CNTNAP5: variants seen among roughly 807,000 people sequenced by gnomAD.
CNTNAP5 encodes the protein contactin-associated protein-like 5.
A neutral mutation model predicts 150.2 loss-of-function variants in CNTNAP5; 72 were observed. The observed-to-expected ratio is 0.48, with a 90% CI of 0.40 to 0.58. The LOEUF (loss-of-function observed/expected upper bound fraction) is 0.58. CNTNAP5 is among the 20% of genes least tolerant of loss of function. CNTNAP5 has a pLI of 0.00. For missense variants in CNTNAP5, 1,636 were observed against 1,626.2 expected (o/e 1.01, Z -0.10); for synonymous variants, 672 against 619.8 (o/e 1.08, Z -1.25).
chr2:124,646,228 G>A (rs964889877), intron 12 of CNTNAP5, among the ~76,000 whole-genome samples: 1 of 152,166 alleles, frequency 6.6e-6, no homozygotes, highest in East Asian at 1.9e-4. Flanking sequence ...CCCAAGTTGT[G>A]TACAGAGCTA....
At chr2:124,714,195 G>A (rs575241874) in intron 13 of CNTNAP5, among the ~76,000 whole-genome samples, 1 of 151,066 alleles carries the variant, frequency 6.6e-6, no homozygotes, top group South Asian at 2.1e-4. Context: ...GGCCTTGTAA[G>A]CTGCTTGAGA....
intron 3 of CNTNAP5, among the ~76,000 whole-genome samples, chr2:124,409,739 G>T (rs1241566893): frequency 2.0e-5 from 3 of 150,486 alleles, no homozygotes; most frequent in Non-Finnish European, 4.4e-5. Context: ...GCTAAACATG[G>T]AAAGGAACAA....
chr2:124,705,509 CAGAG>C (rs34819347), intron 13 of CNTNAP5, among the ~76,000 whole-genome samples: 1 of 151,650 alleles, frequency 6.6e-6, no homozygotes, highest in African/African-American at 2.4e-5. Flanking sequence ...GCCTGAGTGA[CAGAG>C]AGAGACTCCA....
chr2:124,259,855 T>G (rs143015860), intron 3 of CNTNAP5, among the ~76,000 whole-genome samples: 11,701 of 152,072 alleles, frequency 0.077, 616 homozygotes, highest in Non-Finnish European at 0.12. Context: ...CACTGCTCAA[T>G]GAAATAAAAG....
chr2:124,616,936 GAAT>G (rs1482696472), intron 12 of CNTNAP5, among the ~76,000 whole-genome samples: 6 of 152,114 alleles, frequency 3.9e-5, no homozygotes, highest in African/African-American at 1.4e-4. Context: ...AAAACAATTA[GAAT>G]AATAACATTA....
chr2:124,405,370 G>A (rs1691543535), intron 3 of CNTNAP5, among the ~76,000 whole-genome samples: 1 of 152,178 alleles, frequency 6.6e-6, no homozygotes, highest in Non-Finnish European at 1.5e-5. Flanking sequence ...AGCCTAGCAA[G>A]TGCCTGGCAT....
intron 3 of CNTNAP5, among the ~76,000 whole-genome samples, chr2:124,389,956 A>G (rs1359083228): frequency 2.7e-5 from 4 of 150,756 alleles, no homozygotes; most frequent in Non-Finnish European, 5.9e-5. Context: ...ACAGGAGACC[A>G]CATCTCCAAA....
chr2:124,594,405 A>G (rs1696772832), intron 11 of CNTNAP5, among the ~76,000 whole-genome samples: 1 of 152,052 alleles, frequency 6.6e-6, no homozygotes, highest in African/African-American at 2.4e-5. Flanking sequence ...TCCTTTCCCC[A>G]TTGCTTGTTT....
chr2:124,675,129 T>C (rs1678912703), intron 13 of CNTNAP5, among the ~76,000 whole-genome samples: 1 of 152,130 alleles, frequency 6.6e-6, no homozygotes, highest in Non-Finnish European at 1.5e-5. Flanking sequence ...TAGGGCTCTG[T>C]TGTTAGTCGT....
At chr2:124,282,207 GATT>G (rs1333107658) in intron 3 of CNTNAP5, among the ~76,000 whole-genome samples, 1 of 152,142 alleles carries the variant, frequency 6.6e-6, no homozygotes, top group Non-Finnish European at 1.5e-5. Flanking sequence ...TTGAATGCCA[GATT>G]ATTAGTATAC....
At chr2:124,279,281 T>G (rs1266310651) in intron 3 of CNTNAP5, among the ~76,000 whole-genome samples, 2 of 151,936 alleles carry the variant, frequency 1.3e-5, no homozygotes, top group East Asian at 3.9e-4. Flanking sequence ...TTGGTGAGCT[T>G]GGCAGCCTGT....
At chr2:124,846,369 T>G (rs1019042187) in intron 19 of CNTNAP5, among the ~76,000 whole-genome samples, 1 of 152,186 alleles carries the variant, frequency 6.6e-6, no homozygotes, top group African/African-American at 2.4e-5. Flanking sequence ...TTGATTGGAC[T>G]GCTGAGACTT....
At chr2:124,773,812 G>A (rs1055460823) in intron 17 of CNTNAP5, among the ~76,000 whole-genome samples, 2 of 150,858 alleles carry the variant, frequency 1.3e-5, no homozygotes, top group African/African-American at 4.9e-5. Flanking sequence ...ATGGGGTTTT[G>A]GAAGTCTCTC....
chr2:124,831,831 G>T (rs1682722874), intron 19 of CNTNAP5, among the ~76,000 whole-genome samples: 1 of 151,696 alleles, frequency 6.6e-6, no homozygotes, highest in Non-Finnish European at 1.5e-5. Flanking sequence ...TTAACAGATT[G>T]CCTAGATTAC....
chr2:124,121,735 A>T (rs1683567727), intron 1 of CNTNAP5, among the ~76,000 whole-genome samples: 1 of 152,132 alleles, frequency 6.6e-6, no homozygotes. Context: ...CCATGCACCC[A>T]GTTTTTACAA....
chr2:124,671,051 G>A (rs1678813465), intron 13 of CNTNAP5, among the ~76,000 whole-genome samples: 1 of 152,112 alleles, frequency 6.6e-6, no homozygotes. Context: ...CAACTGGCAG[G>A]GGAGTTCAGC....
intron 1 of CNTNAP5, among the ~76,000 whole-genome samples, chr2:124,122,510 C>T (rs1683587134): frequency 1.3e-5 from 2 of 152,132 alleles, no homozygotes; most frequent in Admixed American, 6.5e-5. Context: ...CACATTCTCT[C>T]CTTCTCTGTA....
rs1678448688 is a variant in CNTNAP5, at chr2:124,903,110, A to G, written c.3655+10A>G. 4 of 1,514,492 alleles carry G rather than the reference A, an allele frequency of 2.6e-6. No homozygotes were observed. The highest frequency in any genetic ancestry group is 3.6e-6 in the Non-Finnish European group (4 of 1,117,426). 93.8% of individuals were successfully genotyped at this position (1,514,492 alleles called of 1,614,324 possible). On this transcript the variant is annotated intron_variant, in intron 22 of 23. Transcript: ENST00000682447. ...GTGCATTCTTCATCAGGTACACTCA[A>G]GAGCATGCACAAGGGAGCTTCTGTC...
intron 1 of CNTNAP5, among the ~76,000 whole-genome samples, chr2:124,077,370 C>G (rs1682463388): frequency 6.6e-6 from 1 of 152,200 alleles, no homozygotes; most frequent in South Asian, 2.1e-4. Flanking sequence ...TTCTCCTAAA[C>G]TAAGCTGTGT....
Sources: gnomAD v4.1 joint callset for allele counts (sites outside exome capture counted in the v4.1 genomes callset) on GRCh38, gnomAD v4.1.1 for gene constraint, MANE v1.5 for transcripts, NCBI Gene and HGNC (gene_info 2026-07-23, HGNC 2026-07-21) for gene names.